The following CDH18 variants were observed in gnomAD, a reference collection of about 807,000 sequenced individuals.
CDH18 encodes the protein cadherin-18.
In CDH18, 31 loss-of-function variants were observed where a neutral mutation model predicts 67.9. The ratio of observed to expected loss-of-function variants is 0.46; its 90% confidence interval spans 0.34 to 0.62. CDH18 has a LOEUF of 0.62. Ranked by LOEUF, CDH18 falls within the 20% of genes least tolerant of loss-of-function variation. The pLI is 0.01. For synonymous variants in CDH18, 362 were observed against 347.2 expected, an observed-to-expected ratio of 1.04 and a Z score of -0.48; for missense variants, 890 against 975.5, an observed-to-expected ratio of 0.91 and a Z score of 1.17.
upstream of CDH18, among the ~76,000 whole-genome samples, chr5:19,991,395 T>C (rs1346930707): frequency 2.0e-5 from 3 of 152,160 alleles, no homozygotes; most frequent in African/African-American, 4.8e-5. Context: ...GCATATACAA[T>C]GTGAAATGAT....
At chr5:19,960,600 T>C (rs7708021) in intron 2 of CDH18, among the ~76,000 whole-genome samples, 1 of 136,328 alleles carries the variant, frequency 7.3e-6, no homozygotes, top group South Asian at 2.2e-4. Context: ...TATATATATA[T>C]ATACACACAC....
At position 20,216,924 on chromosome 5, in the gene CDH18, C is replaced by T. The variant is rs769289695; in HGVS notation, c.-518+38520G>A. Among the ~76,000 whole-genome samples the T allele has an allele frequency of 3.3e-5, 5 of 151,772 alleles. No homozygotes were observed. In the South Asian group the frequency reaches 6.2e-4, roughly 19 times the overall value. On this transcript the variant is annotated intron_variant, in intron 2 of 14. Coordinates refer to the CDH18 transcript ENST00000507958. ...AACATACAAAGAAATTCCCATACAG[C>T]GGGCAGCAGCAGTGTTCTCATTGGA...
intron 1 of CDH18, among the ~76,000 whole-genome samples, chr5:20,516,345 G>C (rs1755366790): frequency 6.6e-6 from 1 of 151,804 alleles, no homozygotes; most frequent in Admixed American, 6.6e-5. Context: ...AGTTTGGATA[G>C]GTTTTCATAA....
At chr5:19,588,599 C>T (rs1472891492) in intron 7 of CDH18, among the ~76,000 whole-genome samples, 1 of 151,858 alleles carries the variant, frequency 6.6e-6, no homozygotes, top group Admixed American at 6.6e-5. Flanking sequence ...TAAAAAGACA[C>T]AGAGTGGCAA....
At chr5:19,565,923 G>A (rs1166933346) in intron 8 of CDH18, among the ~76,000 whole-genome samples, 12 of 151,784 alleles carry the variant, frequency 7.9e-5, no homozygotes, top group African/African-American at 2.9e-4. Context: ...ATCAACAATG[G>A]AAAGCGACAA....
chr5:20,068,839 C>T (rs1002035033), intron 2 of CDH18, among the ~76,000 whole-genome samples: 1 of 152,014 alleles, frequency 6.6e-6, no homozygotes, highest in Non-Finnish European at 1.5e-5. Context: ...ATTTGTTATT[C>T]AAATAATCAT....
chr5:19,513,943 C>A (rs2126849365), intron 10 of CDH18, among the ~76,000 whole-genome samples: 1 of 152,196 alleles, frequency 6.6e-6, no homozygotes, highest in East Asian at 1.9e-4. Context: ...GCTTGCTGCA[C>A]CCATTAATTC....
At chr5:19,890,879 T>C (rs1788719312) in intron 2 of CDH18, among the ~76,000 whole-genome samples, 1 of 152,190 alleles carries the variant, frequency 6.6e-6, no homozygotes, top group Non-Finnish European at 1.5e-5. Flanking sequence ...TGGTCACTTC[T>C]TATAGATAGA....
chr5:19,637,147 TTTC>T (rs1477562176), intron 5 of CDH18, among the ~76,000 whole-genome samples: 1 of 149,872 alleles, frequency 6.7e-6, no homozygotes, highest in South Asian at 2.1e-4. Flanking sequence ...TCTTTCTTTC[TTTC>T]TTTTTCTTTC....
intron 2 of CDH18, among the ~76,000 whole-genome samples, chr5:20,039,323 T>C (rs1227142861): frequency 2.0e-5 from 3 of 152,090 alleles, no homozygotes; most frequent in African/African-American, 7.2e-5. Context: ...TTGACTTTCT[T>C]CACAAAATTA....
intron 1 of CDH18, among the ~76,000 whole-genome samples, chr5:20,425,735 T>A (rs924770884): frequency 6.6e-6 from 1 of 151,212 alleles, no homozygotes; most frequent in Non-Finnish European, 1.5e-5. Context: ...TATTACAAGA[T>A]ATAATATTAT....
At chr5:19,786,491 T>C (rs2149798738) in intron 3 of CDH18, among the ~76,000 whole-genome samples, 1 of 152,280 alleles carries the variant, frequency 6.6e-6, no homozygotes, top group Admixed American at 6.5e-5. Flanking sequence ...AAGGCTGCTA[T>C]CCCAATATGG....
At chr5:19,770,866 A>G (rs1384566829) in intron 3 of CDH18, among the ~76,000 whole-genome samples, 1 of 152,196 alleles carries the variant, frequency 6.6e-6, no homozygotes, top group African/African-American at 2.4e-5. Context: ...GGCAAATAAC[A>G]TTTCTTTGTA....
intron 3 of CDH18, among the ~76,000 whole-genome samples, chr5:19,789,401 G>T (rs1776136303): frequency 6.6e-6 from 1 of 152,110 alleles, no homozygotes; most frequent in Non-Finnish European, 1.5e-5. Flanking sequence ...TGTTAGACTA[G>T]AAGTGACTGT....
chr5:20,085,239 G>C (rs1744840248), intron 2 of CDH18, among the ~76,000 whole-genome samples: 1 of 152,108 alleles, frequency 6.6e-6, no homozygotes, highest in South Asian at 2.1e-4. Flanking sequence ...ATCTAGAGAA[G>C]GGGCAAAATG....
At chr5:19,568,644 T>G (rs1433977977) in intron 8 of CDH18, among the ~76,000 whole-genome samples, 4 of 152,186 alleles carry the variant, frequency 2.6e-5, no homozygotes, top group Non-Finnish European at 4.4e-5. Flanking sequence ...GAGTTTGCTT[T>G]CTTTCTTTCT....
intron 11 of CDH18, among the ~76,000 whole-genome samples, chr5:19,491,350 T>G (rs1741439496): frequency 6.6e-6 from 1 of 152,200 alleles, no homozygotes; most frequent in African/African-American, 2.4e-5. Context: ...CTTGAAACCC[T>G]GTGGATAAAA....
intron 1 of CDH18, among the ~76,000 whole-genome samples, chr5:20,370,293 T>G (rs10064822): frequency 0.21 from 31,625 of 151,962 alleles, 3,469 homozygotes; most frequent in East Asian, 0.3. Context: ...TAACAAGTCA[T>G]ATGACTAATT....
chr5:20,263,783 ACT>A (rs1338198253), intron 1 of CDH18, among the ~76,000 whole-genome samples: 5 of 152,018 alleles, frequency 3.3e-5, no homozygotes, highest in Non-Finnish European at 7.4e-5. Context: ...TATTTTAAAA[ACT>A]CACAACTATC....
Sources: allele counts gnomAD v4.1 joint callset (sites outside exome capture counted in the v4.1 genomes callset), GRCh38; gene constraint gnomAD v4.1.1; transcripts MANE v1.5; gene names NCBI Gene and HGNC (gene_info 2026-07-23, HGNC 2026-07-21).